Variants in FAM161A observed in about 807,000 individuals in gnomAD.
FAM161A encodes protein FAM161A.
FAM161A carries 57 observed loss-of-function variants against 70.9 expected under a neutral mutation model. That is an observed-to-expected ratio of 0.80 (90% CI 0.65 to 1.00). The LOEUF (loss-of-function observed/expected upper bound fraction) is 1.00, where lower values mean the gene tolerates loss of function less well. Ranked by LOEUF, FAM161A falls within the 50% of genes least tolerant of loss-of-function variation. The probability of loss-of-function intolerance (pLI) is 0.00; values close to 1 mark genes in which losing one functional copy is unlikely to be tolerated. For missense variants in FAM161A, 880 were observed against 836.0 expected (o/e 1.05, Z -0.65); for synonymous variants, 299 against 295.7 (o/e 1.01, Z -0.12).
chr2:61,822,581 A>G (rs1487502091), downstream of FAM161A, among the ~76,000 whole-genome samples: 1 of 152,154 alleles, frequency 6.6e-6, no homozygotes, highest in Non-Finnish European at 1.5e-5. Flanking sequence ...TAATTTTTAT[A>G]AAGTTATTTT....
rs967794919 is a variant in FAM161A at position 61,840,201 on chromosome 2, G to A, written c.803C>T (p.Ala268Val). Residue 268 changes from alanine (A) to valine (V), a missense_variant, in exon 3 of 7, where the codon GCG (alanine) becomes GTG (valine). By Grantham distance (64) the Ala-to-Val change is moderately conservative. Coordinates refer to ENST00000404929, the MANE Select transcript of FAM161A (RefSeq NM_001201543.2). The part of the protein sequence containing the change: ...SKSDIEMVHK[A>V]LKKQEEDPEY... The stretch of plus-strand genomic sequence containing the variant: ...TGGATCCTCTTCTTGTTTTTTGAGC[G>A]CTTTATGTACCATTTCGATATCTGA... 47 of 1,613,654 alleles carry A rather than the reference G, an allele frequency of 2.9e-5. No homozygotes were observed. Among genetic ancestry groups the A allele is most frequent in the African/African-American group, 4.0e-5 (3 of 74,804 alleles).
intron 5 of FAM161A, among the ~76,000 whole-genome samples, chr2:61,834,613 A>G (rs936601405): frequency 1.3e-5 from 2 of 151,854 alleles, no homozygotes; most frequent in Non-Finnish European, 2.9e-5. Flanking sequence ...CAGGCACGCA[A>G]AACCATGCCC....
In FAM161A at chr2:61,825,875, G is replaced by A. The variant is rs1411084185; in HGVS notation, c.*580C>T. ...GATGGTCTCGATCTCCTGACCTCGT[G>A]ATCCACCCGTCTCGGCCTCCCAAAA... On this transcript the variant is annotated 3_prime_UTR_variant, in exon 7 of 7. Coordinates refer to ENST00000404929, the MANE Select transcript of FAM161A (RefSeq NM_001201543.2). 6.6e-6 allele frequency: 3 copies of A among 453,750 alleles called. No individual in the cohort carries two copies. The highest frequency in any genetic ancestry group is 3.1e-5 in the South Asian group (2 of 64,412). The allele number at this position is 453,750 out of a possible 1,614,324, so 28.1% of individuals were successfully genotyped here. A position where few individuals can be genotyped will look rare whatever the true frequency, so the allele number is the denominator to read the frequency against.
chr2:61,813,638 G>C, the FAM161A span, among the ~76,000 whole-genome samples: 5 of 147,560 alleles, frequency 3.4e-5, no homozygotes, highest in African/African-American at 1.3e-4. Flanking sequence ...AGGATCACTT[G>C]AGACCAGGAG....
In FAM161A at chr2:61,838,662, G is replaced by A. The variant is rs752889787; in HGVS notation, c.1627C>T (p.Arg543Trp). 5.6e-6 allele frequency: 9 copies of A among 1,608,834 alleles called. No homozygotes were observed. Among genetic ancestry groups the A allele is most frequent in the South Asian group, 2.2e-5 (2 of 90,284 alleles). The part of the protein sequence containing the change: ...EKKMLEEERN[R>W]ILTKQKQRMK... ...CTTTGCTTCTGTTTAGTTAGGATCC[G>A]ATTTCTCTCTTCTTCCAACATTTTC... The change falls in exon 4 of 7, where the codon CGG (arginine) becomes TGG (tryptophan). Residue 543 changes from arginine to tryptophan, a missense_variant. By Grantham distance (101) the Arg-to-Trp change is moderately radical. Transcript: ENST00000404929.
At chr2:61,853,531 A>C (rs1402832401) in intron 1 of FAM161A, among the ~76,000 whole-genome samples, 1 of 152,206 alleles carries the variant, frequency 6.6e-6, no homozygotes, top group Non-Finnish European at 1.5e-5. Context: ...ATATATAGCC[A>C]GATATATCTC....
chr2:61,830,715 A>C (rs1672538503), intron 5 of FAM161A, among the ~76,000 whole-genome samples: 1 of 147,148 alleles, frequency 6.8e-6, no homozygotes, highest in Non-Finnish European at 1.5e-5. Context: ...TGAGAACAGT[A>C]GACACTGGTC....
chr2:61,826,287 T>G lies in FAM161A; in HGVS notation c.*168A>C, dbSNP rs1159481294. 1 of 747,082 alleles carries G rather than the reference T, an allele frequency of 1.3e-6. No homozygotes were observed. 46.3% of individuals were successfully genotyped at this position (747,082 alleles called of 1,614,324 possible). Reference sequence around the variant, plus strand: ...ATAGGCAAAGCCTTACTCTAACTGATCAAATGACCAATCAGCTGGATTCAG... The same window carrying G: ...ATAGGCAAAGCCTTACTCTAACTGAGCAAATGACCAATCAGCTGGATTCAG... On this transcript the variant is annotated 3_prime_UTR_variant, in exon 7 of 7. Coordinates refer to ENST00000404929, the MANE Select transcript of FAM161A (RefSeq NM_001201543.2).
chr2:61,804,768 G>GATAAAGAA, the FAM161A span, among the ~76,000 whole-genome samples: 3 of 118,952 alleles, frequency 2.5e-5, no homozygotes, highest in African/African-American at 9.6e-5. Flanking sequence ...GAAAAAGAAA[G>GATAAAGAA]AGAAAGAAAG....
At chr2:61,815,535 CTTTTTTTTTTTTTTT>C in the FAM161A span, among the ~76,000 whole-genome samples, 11 of 53,238 alleles carry the variant, frequency 2.1e-4, no homozygotes, top group East Asian at 3.0e-3. Flanking sequence ...AAAGATGTGT[CTTTTTTTTTTTTTTT>C]TTTTTTTTTT....
At chr2:61,827,671 C>T (rs928631640) in intron 5 of FAM161A, among the ~76,000 whole-genome samples, 2 of 150,052 alleles carry the variant, frequency 1.3e-5, no homozygotes, top group African/African-American at 2.5e-5. Flanking sequence ...TCAGCAGTCA[C>T]AGTTGTTTGA....
At chr2:61,847,829 G>A (rs554056828) in intron 1 of FAM161A, among the ~76,000 whole-genome samples, 1 of 152,134 alleles carries the variant, frequency 6.6e-6, no homozygotes, top group African/African-American at 2.4e-5. Flanking sequence ...TTAATGTTGT[G>A]TCCCCAGTGT....
chr2:61,826,702 T>G, intron 6 of FAM161A, 103 bp from the exon 7 acceptor site: 1 of 967,662 alleles, frequency 1.0e-6, no homozygotes, highest in Admixed American at 2.5e-5. Flanking sequence ...CTTCCTCAAG[T>G]GTATGAATTC....
chr2:61,840,574 A>G lies in FAM161A; in HGVS notation c.430T>C (p.Ser144Pro), dbSNP rs1672983560. The change falls in exon 3 of 7, where the codon TCA becomes CCA. Residue 144 changes from serine to proline, a missense_variant. By Grantham distance (74) the Ser-to-Pro change is moderately conservative (BLOSUM62 -1). Transcript: ENST00000404929. Reference protein sequence around the residue: ...DSLSDSSRSVSEKNSYHPVSL... With the variant: ...DSLSDSSRSVPEKNSYHPVSL... ...ACAGGGTGATAGGAGTTCTTTTCTG[A>G]TACAGATCTAAATGAGAAGAATAAC... 3 of 1,599,266 alleles carry G rather than the reference A, an allele frequency of 1.9e-6. No individual in the cohort carries two copies. In the East Asian group the frequency reaches 6.7e-5, roughly 36 times the overall value.
intron 6 of FAM161A, 111 bp downstream of exon 6, chr2:61,826,993 G>A (rs755212350): frequency 9.7e-7 from 1 of 1,034,162 alleles, no homozygotes; most frequent in Non-Finnish European, 1.4e-6. Flanking sequence ...TTGGGTAAAA[G>A]ATCTTTTTAA....
the FAM161A span, among the ~76,000 whole-genome samples, chr2:61,808,825 A>T: frequency 2.0e-5 from 3 of 152,150 alleles, no homozygotes; most frequent in East Asian, 5.8e-4. Context: ...TGGGGAGTGG[A>T]GAAGACCAGA....
chr2:61,848,503 C>A (rs1191504992), intron 1 of FAM161A, among the ~76,000 whole-genome samples: 1 of 151,832 alleles, frequency 6.6e-6, no homozygotes, highest in Non-Finnish European at 1.5e-5. Flanking sequence ...TCCCTTTAAT[C>A]GGCTTTTTGT....
At chr2:61,848,873 TTTATA>T (rs1673338927) in intron 1 of FAM161A, among the ~76,000 whole-genome samples, 3 of 26,830 alleles carry the variant, frequency 1.1e-4, no homozygotes, top group African/African-American at 5.3e-4. Flanking sequence ...TATATATATA[TTTATA>T]TATATATTTA....
At chr2:61,836,203 C>A in intron 4 of FAM161A, 94 bp from the exon 5 acceptor site, 4 of 920,230 alleles carry the variant, frequency 4.3e-6, no homozygotes, top group Admixed American at 4.4e-5. Context: ...TGTACAAAGT[C>A]AATGAAAAAA....
Sources: allele counts gnomAD v4.1 joint callset (sites outside exome capture counted in the v4.1 genomes callset), GRCh38; gene constraint gnomAD v4.1.1; transcripts MANE v1.5; gene names NCBI Gene and HGNC (gene_info 2026-07-23, HGNC 2026-07-21).